Variants in GNAL observed in about 807,000 individuals in gnomAD.
GNAL encodes guanine nucleotide-binding protein G(olf) subunit alpha.
Under a neutral mutation model 55.1 loss-of-function variants are expected in GNAL, and 18 were observed. The observed-to-expected ratio is 0.33, with a 90% CI of 0.23 to 0.48. The LOEUF (loss-of-function observed/expected upper bound fraction) is 0.48, where lower values mean the gene tolerates loss of function less well. Among genes scored for constraint, GNAL ranks in the 20% least tolerant of loss-of-function variants. The probability of loss-of-function intolerance (pLI) is 0.99; values close to 1 mark genes in which losing one functional copy is unlikely to be tolerated. For missense variants in GNAL, 412 were observed against 614.1 expected (o/e 0.67, Z 3.48); for synonymous variants, 253 against 237.0 (o/e 1.07, Z -0.62).
At chr18:11,709,269 T>G (rs558230728) in intron 1 of GNAL, among the ~76,000 whole-genome samples, 30 of 152,112 alleles carry the variant, frequency 2.0e-4, no homozygotes, top group African/African-American at 7.2e-4. Flanking sequence ...CAAGATTACT[T>G]TGTCTACTTG....
At chr18:11,694,356 C>T (rs1158629953) in intron 1 of GNAL, among the ~76,000 whole-genome samples, 1 of 152,212 alleles carries the variant, frequency 6.6e-6, no homozygotes, top group East Asian at 1.9e-4. Flanking sequence ...CCCATGGGGT[C>T]GATCCTGATG....
rs2032716086 is a variant in GNAL, at chr18:11,747,579, A to G, written c.377-5274A>G. ...AGCCTAGGTGCTCTCTGAGCCAAAG[A>G]GCAACAGCAAATGTTCTTGTTGTGA... On this transcript the variant is annotated intron_variant, in intron 1 of 11. Coordinates refer to ENST00000334049, the MANE Select transcript of GNAL (RefSeq NM_182978.4). 2 of 136,918 alleles carry G rather than the reference A, an allele frequency of 1.5e-5. 1 individual carries two copies. The highest frequency in any genetic ancestry group is 3.1e-5 in the Non-Finnish European group (2 of 63,600). 8.5% of individuals were successfully genotyped at this position (136,918 alleles called of 1,614,324 possible).
At chr18:11,721,305 G>A (rs2032087180) in intron 1 of GNAL, among the ~76,000 whole-genome samples, 1 of 152,192 alleles carries the variant, frequency 6.6e-6, no homozygotes, top group African/African-American at 2.4e-5. Context: ...ATAACAATGG[G>A]ATTTTAAAAC....
intron 5 of GNAL, among the ~76,000 whole-genome samples, chr18:11,831,816 C>T (rs776875027): frequency 2.0e-5 from 3 of 152,196 alleles, no homozygotes; most frequent in Non-Finnish European, 2.9e-5. Context: ...TTGACCCAGT[C>T]GGTGGCCATT....
intron 1 of GNAL, among the ~76,000 whole-genome samples, chr18:11,740,287 A>G (rs2032549473): frequency 6.6e-6 from 1 of 151,730 alleles, no homozygotes; most frequent in Non-Finnish European, 1.5e-5. Context: ...TTACTTTCCG[A>G]CATAACAGTG....
chr18:11,728,874 A>G (rs2032273289), intron 1 of GNAL, among the ~76,000 whole-genome samples: 1 of 152,194 alleles, frequency 6.6e-6, no homozygotes. Context: ...TTTGAAAACA[A>G]ATTGTTTCCT....
At chr18:11,721,458 A>C (rs2032090811) in intron 1 of GNAL, among the ~76,000 whole-genome samples, 1 of 152,094 alleles carries the variant, frequency 6.6e-6, no homozygotes, top group Admixed American at 6.5e-5. Context: ...AATGCCTTTG[A>C]AAATAGTCTC....
rs147786543 is a variant in GNAL at position 11,835,318 on chromosome 18, A to AT, written c.722+10313dup. On this transcript the variant is annotated intron_variant, in intron 5 of 11. Coordinates refer to ENST00000334049, the MANE Select transcript of GNAL (RefSeq NM_182978.4). The stretch of plus-strand genomic sequence containing the variant: ...GAATGGATACATGGATAGATCTGTG[A>AT]TTTTTTTTTTAAGTACAATAAAATG... 5.9e-4 allele frequency among the ~76,000 whole-genome samples: 89 copies of AT among 150,292 alleles called. 2 individuals are homozygous for AT. The highest frequency in any genetic ancestry group is 5.0e-3 in the South Asian group (24 of 4,766).
At chr18:11,772,753 G>A (rs976400054) in intron 4 of GNAL, among the ~76,000 whole-genome samples, 6 of 152,136 alleles carry the variant, frequency 3.9e-5, no homozygotes, top group African/African-American at 9.7e-5. Flanking sequence ...TGCAGGGTGC[G>A]GGTCTGCATT....
chr18:11,690,620 C>G (rs2031217704), intron 1 of GNAL, among the ~76,000 whole-genome samples: 1 of 122,934 alleles, frequency 8.1e-6, no homozygotes, highest in Non-Finnish European at 1.6e-5. Context: ...TCCCCCCACC[C>G]CACAACAGTC....
chr18:11,774,435 C>T (rs573799848), intron 4 of GNAL, among the ~76,000 whole-genome samples: 1 of 152,364 alleles, frequency 6.6e-6, no homozygotes, highest in Non-Finnish European at 1.5e-5. Flanking sequence ...GAGCGCCCAT[C>T]TAAAAGAGCC....
At chr18:11,856,300 G>C (rs1365221633) in intron 5 of GNAL, among the ~76,000 whole-genome samples, 3 of 151,362 alleles carry the variant, frequency 2.0e-5, no homozygotes, top group Non-Finnish European at 4.4e-5. Flanking sequence ...AAATTCCATA[G>C]GGAGCCCGGG....
chr18:11,857,140 A>G (rs2036026489), intron 5 of GNAL: 1 of 152,222 alleles, frequency 6.6e-6, no homozygotes, highest in East Asian at 1.9e-4. Context: ...TGTTAAAAAA[A>G]AAAATCAAGA....
intron 1 of GNAL, among the ~76,000 whole-genome samples, chr18:11,718,227 CAT>C (rs1219081231): frequency 8.5e-5 from 13 of 152,088 alleles, no homozygotes; most frequent in Non-Finnish European, 1.2e-4. Context: ...TCTTATGTGA[CAT>C]AATCATTTAT....
At chr18:11,867,958 C>T (rs2036303597) in intron 8 of GNAL, among the ~76,000 whole-genome samples, 1 of 151,506 alleles carries the variant, frequency 6.6e-6, no homozygotes, top group Non-Finnish European at 1.5e-5. Context: ...AACCCCGTCT[C>T]TACTAAAAAT....
At chr18:11,738,317 C>T (rs1015478057) in intron 1 of GNAL, among the ~76,000 whole-genome samples, 8 of 152,112 alleles carry the variant, frequency 5.3e-5, no homozygotes, top group Admixed American at 3.9e-4. Context: ...TGGCCCTTGG[C>T]TTCTGTGTCT....
In GNAL at chr18:11,786,747, G is replaced by A. The variant is rs138550817; in HGVS notation, c.624+32802G>A. ...ATTACAGACGTGAGCCACCGTGCCC[G>A]GCGATCTTCACACATTTTCATTTGA... On this transcript the variant is annotated intron_variant, in intron 4 of 11. Transcript: ENST00000334049. Among the ~76,000 whole-genome samples the A allele has an allele frequency of 2.6e-4, 40 of 151,394 alleles. No homozygotes were observed. The East Asian group carries it at 3.5e-3, about 13-fold the overall frequency.
chr18:11,790,727 T>G (rs1266137667), intron 4 of GNAL, among the ~76,000 whole-genome samples: 3 of 146,092 alleles, frequency 2.1e-5, no homozygotes, highest in Non-Finnish European at 4.5e-5. Context: ...CACGATCTCG[T>G]CTCACTGCAA....
At chr18:11,690,815 T>C (rs2031224730) in intron 1 of GNAL, among the ~76,000 whole-genome samples, 1 of 151,866 alleles carries the variant, frequency 6.6e-6, no homozygotes, top group Non-Finnish European at 1.5e-5. Flanking sequence ...CTGCATAGTA[T>C]TCCATGGTGT....
Sources: gnomAD v4.1 joint callset for allele counts (sites outside exome capture counted in the v4.1 genomes callset) on GRCh38, gnomAD v4.1.1 for gene constraint, MANE v1.5 for transcripts, NCBI Gene and HGNC (gene_info 2026-07-23, HGNC 2026-07-21) for gene names.